Variants in NCALD observed in about 807,000 individuals in gnomAD.
NCALD encodes neurocalcin delta.
In NCALD, 10 loss-of-function variants were observed where a neutral mutation model predicts 18.6. That is an observed-to-expected ratio of 0.54 (90% CI 0.33 to 0.91). The LOEUF (loss-of-function observed/expected upper bound fraction) is 0.91, where lower values mean the gene tolerates loss of function less well. Among genes scored for constraint, NCALD ranks in the 40% least tolerant of loss-of-function variants. The pLI is 0.03. For synonymous variants in NCALD, 88 were observed against 87.4 expected (o/e 1.01, Z -0.04); for missense variants, 184 against 247.6 (o/e 0.74, Z 1.72).
chr8:101,898,113 T>G (rs1346594266), intron 3 of NCALD, among the ~76,000 whole-genome samples: 1 of 152,240 alleles, frequency 6.6e-6, no homozygotes, highest in Non-Finnish European at 1.5e-5. Context: ...CCAGTCATGT[T>G]GAACTGTGAA....
chr8:102,001,526 T>C (rs1586902518), intron 2 of NCALD, among the ~76,000 whole-genome samples: 1 of 152,046 alleles, frequency 6.6e-6, no homozygotes, highest in Non-Finnish European at 1.5e-5. Flanking sequence ...ATACAGAGAA[T>C]GCCACAAAGA....
At chr8:101,804,311 AATTATAT>A (rs1407559374) in intron 4 of NCALD, among the ~76,000 whole-genome samples, 4 of 120,254 alleles carry the variant, frequency 3.3e-5, no homozygotes, top group African/African-American at 8.3e-5. Context: ...TAATTATATC[AATTATAT>A]ATTATATATA....
intron 1 of NCALD, among the ~76,000 whole-genome samples, chr8:102,020,842 C>T (rs1586934654): frequency 6.6e-6 from 1 of 152,162 alleles, no homozygotes; most frequent in East Asian, 1.9e-4. Flanking sequence ...TGTACCATTG[C>T]CTGAGCTCCA....
At chr8:101,708,144 T>C (rs900790944) in intron 2 of NCALD, among the ~76,000 whole-genome samples, 13 of 152,190 alleles carry the variant, frequency 8.5e-5, no homozygotes, top group African/African-American at 3.1e-4. Context: ...GATGTGTGAC[T>C]GTGGGCTCAG....
At chr8:101,714,554 C>T (rs925697143) in intron 2 of NCALD, among the ~76,000 whole-genome samples, 7 of 152,272 alleles carry the variant, frequency 4.6e-5, no homozygotes, top group Non-Finnish European at 7.3e-5. Flanking sequence ...ATCATGAAAA[C>T]GGCCATATTG....
chr8:102,123,209 G>A (rs1212901275), intron 1 of NCALD, among the ~76,000 whole-genome samples: 1 of 152,216 alleles, frequency 6.6e-6, no homozygotes, highest in African/African-American at 2.4e-5. Context: ...AACTTTGAGC[G>A]AGCTTGTGTG....
intron 2 of NCALD, among the ~76,000 whole-genome samples, chr8:101,709,498 A>C (rs140076109): frequency 6.6e-6 from 1 of 152,306 alleles, no homozygotes; most frequent in Non-Finnish European, 1.5e-5. Flanking sequence ...TTGGCCTTTC[A>C]AGGGTCTTAG....
chr8:101,714,946 G>A (rs576581251), intron 2 of NCALD, among the ~76,000 whole-genome samples: 6 of 150,074 alleles, frequency 4.0e-5, no homozygotes, highest in South Asian at 4.2e-4. Context: ...GCAGTGAGCC[G>A]AGATTGCGCC....
chr8:101,901,558 T>C (rs73280891), intron 3 of NCALD, among the ~76,000 whole-genome samples: 10,291 of 152,194 alleles, frequency 0.068, 724 homozygotes, highest in African/African-American at 0.18. Flanking sequence ...CTCCTTATTA[T>C]AATAAATATA....
chr8:101,771,943 G>T (rs928336555), intron 1 of NCALD, among the ~76,000 whole-genome samples: 2 of 152,160 alleles, frequency 1.3e-5, no homozygotes, highest in Admixed American at 6.5e-5. Flanking sequence ...GCAATTATGT[G>T]CCAGACAGAA....
intron 1 of NCALD, among the ~76,000 whole-genome samples, chr8:101,758,676 G>T (rs1237025651): frequency 6.6e-6 from 1 of 152,106 alleles, no homozygotes; most frequent in East Asian, 1.9e-4. Context: ...ATACCTCTCG[G>T]ACCTGTCTAT....
At chr8:101,984,811 A>G (rs1820743968) in intron 2 of NCALD, among the ~76,000 whole-genome samples, 1 of 152,162 alleles carries the variant, frequency 6.6e-6, no homozygotes, top group Admixed American at 6.5e-5. Flanking sequence ...GTATTTAATG[A>G]TTGATTCTGT....
chr8:101,712,788 A>G (rs896079950), intron 2 of NCALD, among the ~76,000 whole-genome samples: 1 of 152,148 alleles, frequency 6.6e-6, no homozygotes, highest in Non-Finnish European at 1.5e-5. Flanking sequence ...CCAAGTTCTT[A>G]GAGACCTACA....
intron 2 of NCALD, among the ~76,000 whole-genome samples, chr8:101,966,077 A>T (rs1268082215): frequency 1.3e-5 from 2 of 152,016 alleles, no homozygotes; most frequent in African/African-American, 4.8e-5. Flanking sequence ...CTTGCAAATA[A>T]TGAAATAATA....
chr8:101,944,100 C>A (rs994374524), intron 2 of NCALD, among the ~76,000 whole-genome samples: 3 of 152,142 alleles, frequency 2.0e-5, no homozygotes, highest in Non-Finnish European at 4.4e-5. Context: ...GGATGGTCAC[C>A]ACTGGAGTGG....
At chr8:102,087,902 CCT>C (rs3085983) in intron 1 of NCALD, among the ~76,000 whole-genome samples, 136,535 of 149,432 alleles carry the variant, frequency 0.91, 62,409 homozygotes, top group African/African-American at 0.98. Flanking sequence ...GCAATGCTTT[CCT>C]CTCTCTCTCT....
At chr8:101,892,166 G>C (rs1028179514) in intron 3 of NCALD, among the ~76,000 whole-genome samples, 1 of 150,234 alleles carries the variant, frequency 6.7e-6, no homozygotes, top group Non-Finnish European at 1.5e-5. Context: ...CTGGAGATCT[G>C]AGAACCGGCA....
At chr8:101,934,524 G>A (rs915044298) in intron 2 of NCALD, among the ~76,000 whole-genome samples, 1 of 152,076 alleles carries the variant, frequency 6.6e-6, no homozygotes, top group African/African-American at 2.4e-5. Flanking sequence ...AGTCCAGAAA[G>A]AAAAAGAGGA....
chr8:102,085,547 G>C (rs1463180581), intron 1 of NCALD, among the ~76,000 whole-genome samples: 1 of 152,134 alleles, frequency 6.6e-6, no homozygotes, highest in East Asian at 1.9e-4. Context: ...CTGAGGTCAG[G>C]AGTTCAAGAC....
Sources: allele counts gnomAD v4.1 joint callset (sites outside exome capture counted in the v4.1 genomes callset), GRCh38; gene constraint gnomAD v4.1.1; transcripts MANE v1.5; gene names NCBI Gene and HGNC (gene_info 2026-07-23, HGNC 2026-07-21).